Variants in STK32A observed in about 807,000 individuals in gnomAD.
STK32A encodes the protein serine/threonine kinase 32A.
STK32A carries 41 observed loss-of-function variants against 53.2 expected under a neutral mutation model. That is an observed-to-expected ratio of 0.77 (90% CI 0.60 to 1.00). The LOEUF is 1.00. Among genes scored for constraint, STK32A ranks in the 50% least tolerant of loss-of-function variants. The probability of loss-of-function intolerance (pLI) is 0.00; values close to 1 mark genes in which losing one functional copy is unlikely to be tolerated. For missense variants in STK32A, 458 were observed against 485.8 expected (o/e 0.94, Z 0.54); for synonymous variants, 166 against 162.8 (o/e 1.02, Z -0.15).
intron 11 of STK32A, among the ~76,000 whole-genome samples, chr5:147,379,479 G>T (rs1010260069): frequency 3.3e-5 from 5 of 151,988 alleles, no homozygotes; most frequent in African/African-American, 1.2e-4. Context: ...GAGTAAATTA[G>T]TGCATGTAAA....
rs568464554 is a variant in STK32A, at chr5:147,284,854, A to G, written c.260+5456A>G. On this transcript the variant is annotated intron_variant, in intron 4 of 12. Coordinates refer to ENST00000397936, the MANE Select transcript of STK32A (RefSeq NM_001112724.2). Reference sequence around the variant, plus strand: ...ATGCTCATGGATGAGTAAAATCAGTATTGTGAAAAATAACCATACTGCCAA... The same window carrying G: ...ATGCTCATGGATGAGTAAAATCAGTGTTGTGAAAAATAACCATACTGCCAA... 2.6e-5 allele frequency among the ~76,000 whole-genome samples: 4 copies of G among 152,274 alleles called. No individual in the cohort carries two copies. The South Asian group carries it at 8.3e-4, about 32-fold the overall frequency.
chr5:147,334,787 T>G (rs1755035738), intron 5 of STK32A, among the ~76,000 whole-genome samples: 1 of 152,188 alleles, frequency 6.6e-6, no homozygotes, highest in Non-Finnish European at 1.5e-5. Flanking sequence ...CTAGCTCTTC[T>G]TACACTGGAC....
intron 2 of STK32A, among the ~76,000 whole-genome samples, chr5:147,270,031 T>G (rs1016640099): frequency 6.6e-6 from 1 of 152,162 alleles, no homozygotes; most frequent in Non-Finnish European, 1.5e-5. Flanking sequence ...GCTAGAAACA[T>G]TTCAAAAACG....
At chr5:147,393,005 T>A in the STK32A span, 1 of 152,174 alleles carries the variant, frequency 6.6e-6, no homozygotes, top group African/African-American at 2.4e-5. Context: ...ATCGAGAGAA[T>A]CAAACACAAA....
chr5:147,384,131 A>G lies in STK32A; in HGVS notation c.*148A>G. ...TATTTCAAAAAAGGCAGCACAACACAGTGAAGGGTCCTGGGCCTGAGCTCC... is the reference window on the plus strand; with the variant it reads ...TATTTCAAAAAAGGCAGCACAACACGGTGAAGGGTCCTGGGCCTGAGCTCC... On this transcript the variant is annotated 3_prime_UTR_variant, in exon 13 of 13. Transcript: ENST00000397936. 6.8e-7 allele frequency: 1 copy of G among 1,480,842 alleles called. No individual in the cohort carries two copies. The highest frequency in any genetic ancestry group is 1.4e-5 in the South Asian group (1 of 72,096). The allele number at this position is 1,480,842 out of a possible 1,614,324, so 91.7% of individuals were successfully genotyped here.
intron 2 of STK32A, among the ~76,000 whole-genome samples, chr5:147,240,760 A>C (rs142501996): frequency 2.6e-4 from 40 of 152,336 alleles, no homozygotes; most frequent in African/African-American, 8.7e-4. Flanking sequence ...TATCTTTCTC[A>C]TGTGACAATC....
intron 2 of STK32A, among the ~76,000 whole-genome samples, chr5:147,256,621 C>T (rs1175749853): frequency 1.3e-5 from 2 of 152,098 alleles, no homozygotes; most frequent in Non-Finnish European, 2.9e-5. Context: ...AAGCAATTCT[C>T]CTGTCTCAGC....
At chr5:147,401,398 AC>A in the STK32A span, 1 of 947,034 alleles carries the variant, frequency 1.1e-6, no homozygotes, top group Non-Finnish European at 1.5e-6. Context: ...TACGCTCAAG[AC>A]TGTAAAAGAA....
rs1383452596 is a variant in STK32A, at chr5:147,384,787, G to T, written c.*804G>T. ...CCTTGAGGGCTAATTGTCCTCTGAA[G>T]ATTAGCAGAGACCTGTATCTGGAGA... On this transcript the variant is annotated 3_prime_UTR_variant, in exon 13 of 13. Transcript: ENST00000397936. 3 of 214,682 alleles carry T rather than the reference G, an allele frequency of 1.4e-5. No homozygotes were observed. The highest frequency in any genetic ancestry group is 2.1e-4 in the East Asian group (2 of 9,414). The allele number at this position is 214,682 out of a possible 1,614,324, so 13.3% of individuals were successfully genotyped here.
At chr5:147,247,748 G>T (rs1037327486) in intron 2 of STK32A, among the ~76,000 whole-genome samples, 2 of 152,160 alleles carry the variant, frequency 1.3e-5, no homozygotes. Context: ...TTTATTTATG[G>T]ACACTGAAAT....
intron 4 of STK32A, among the ~76,000 whole-genome samples, chr5:147,297,016 A>G (rs1752898986): frequency 6.6e-6 from 1 of 152,208 alleles, no homozygotes; most frequent in Non-Finnish European, 1.5e-5. Flanking sequence ...CCTATCTTTT[A>G]TAAATATTTT....
chr5:147,327,334 C>T (rs1754648914), intron 5 of STK32A, among the ~76,000 whole-genome samples: 1 of 152,110 alleles, frequency 6.6e-6, no homozygotes, highest in Non-Finnish European at 1.5e-5. Flanking sequence ...GATAACAAAA[C>T]ACCTTTTAGT....
intron 4 of STK32A, among the ~76,000 whole-genome samples, chr5:147,309,831 A>T (rs904785154): frequency 6.6e-6 from 1 of 152,200 alleles, no homozygotes; most frequent in African/African-American, 2.4e-5. Flanking sequence ...AGCCACAAAA[A>T]CAGGAAGTGA....
At chr5:147,237,083 TG>T (rs1381559270) in intron 1 of STK32A, among the ~76,000 whole-genome samples, 5 of 151,966 alleles carry the variant, frequency 3.3e-5, no homozygotes, top group African/African-American at 1.2e-4. Context: ...GAGGCCGAGG[TG>T]GGTGCATCAC....
intron 5 of STK32A, among the ~76,000 whole-genome samples, chr5:147,337,942 C>A (rs993620562): frequency 1.3e-5 from 2 of 152,062 alleles, no homozygotes; most frequent in African/African-American, 2.4e-5. Context: ...AATAAGGAAA[C>A]TATTGGTGTG....
chr5:147,362,738 C>T (rs932771323), intron 8 of STK32A, among the ~76,000 whole-genome samples: 1 of 152,150 alleles, frequency 6.6e-6, no homozygotes, highest in African/African-American at 2.4e-5. Context: ...GGGTGAGACT[C>T]GAGGTATGAT....
At chr5:147,378,228 A>AG (rs1757307609) in intron 11 of STK32A, among the ~76,000 whole-genome samples, 1 of 152,138 alleles carries the variant, frequency 6.6e-6, no homozygotes, top group Admixed American at 6.6e-5. Context: ...ACCTGAGTGA[A>AG]GGGTTAGGAT....
chr5:147,292,084 T>C (rs1752625050), intron 4 of STK32A, among the ~76,000 whole-genome samples: 1 of 152,216 alleles, frequency 6.6e-6, no homozygotes, highest in South Asian at 2.1e-4. Flanking sequence ...CTGAAATATA[T>C]TGAGGTTTCT....
chr5:147,249,442 G>A (rs929168211), intron 2 of STK32A, among the ~76,000 whole-genome samples: 8 of 152,138 alleles, frequency 5.3e-5, no homozygotes, highest in Admixed American at 4.6e-4. Flanking sequence ...CCTTTACTTG[G>A]CAAATAAAAG....
Sources: gnomAD v4.1 joint callset for allele counts (sites outside exome capture counted in the v4.1 genomes callset) on GRCh38, gnomAD v4.1.1 for gene constraint, MANE v1.5 for transcripts, NCBI Gene and HGNC (gene_info 2026-07-23, HGNC 2026-07-21) for gene names.